The following ZBTB40 variants were observed in gnomAD, a reference collection of about 807,000 sequenced individuals.
ZBTB40 encodes the protein zinc finger and BTB domain containing 40.
A neutral mutation model predicts 117.5 loss-of-function variants in ZBTB40; 60 were observed. The observed-to-expected ratio is 0.51, with a 90% confidence interval of 0.41 to 0.63. The LOEUF is 0.63. Among genes scored for constraint, ZBTB40 ranks in the 30% least tolerant of loss-of-function variants. The pLI is 0.00. For synonymous variants in ZBTB40, 525 were observed against 577.1 expected (o/e 0.91, Z 1.29); for missense variants, 1,287 against 1,498.5 (o/e 0.86, Z 2.33).
At chr1:22,460,449 A>T (rs74060240) in intron 1 of ZBTB40, among the ~76,000 whole-genome samples, 2,203 of 152,316 alleles carry the variant, frequency 0.014, 65 homozygotes, top group African/African-American at 0.051. Context: ...TCATGTTGAT[A>T]ATAATAGTTA....
intron 3 of ZBTB40, among the ~76,000 whole-genome samples, chr1:22,494,492 G>A (rs1472410023): frequency 6.6e-6 from 1 of 152,186 alleles, no homozygotes; most frequent in Non-Finnish European, 1.5e-5. Flanking sequence ...TTCTTAGGCT[G>A]TGTTAGAACT....
chr1:22,494,829 A>G (rs1638730249), intron 3 of ZBTB40, among the ~76,000 whole-genome samples: 1 of 152,198 alleles, frequency 6.6e-6, no homozygotes, highest in African/African-American at 2.4e-5. Context: ...AAATCCTGCC[A>G]CGTGTGTGAT....
chr1:22,480,992 A>C (rs968932289), intron 1 of ZBTB40, among the ~76,000 whole-genome samples: 1 of 152,296 alleles, frequency 6.6e-6, no homozygotes, highest in East Asian at 1.9e-4. Context: ...TGCAGTCTCC[A>C]TGTGAGTATT....
intron 16 of ZBTB40, among the ~76,000 whole-genome samples, chr1:22,522,945 C>CTTTTTTTTTTTTTTT (rs34232963): frequency 5.3e-5 from 5 of 93,910 alleles, no homozygotes; most frequent in Non-Finnish European, 1.0e-4. Flanking sequence ...TAAGATGTAC[C>CTTTTTTTTTTTTTTT]TTTTTTTTTT....
intron 3 of ZBTB40, among the ~76,000 whole-genome samples, chr1:22,498,321 C>CTATCCTAA (rs1557507998): frequency 1.3e-5 from 2 of 152,184 alleles, no homozygotes; most frequent in Non-Finnish European, 2.9e-5. Context: ...GAATCCCTGC[C>CTATCCTAA]TATCCTAATA....
At chr1:22,489,660 C>T (rs1382886862) in intron 1 of ZBTB40, among the ~76,000 whole-genome samples, 2 of 152,040 alleles carry the variant, frequency 1.3e-5, no homozygotes, top group Non-Finnish European at 2.9e-5. Flanking sequence ...CAAATGAGAC[C>T]GTCCATACAA....
intron 1 of ZBTB40, among the ~76,000 whole-genome samples, chr1:22,444,141 G>A (rs983748633): frequency 1.3e-5 from 2 of 152,106 alleles, no homozygotes; most frequent in African/African-American, 2.4e-5. Flanking sequence ...CGCTGGGTGC[G>A]GTGGCTCATG....
At chr1:22,432,412 C>A (rs974305668) in intron 1 of ZBTB40, among the ~76,000 whole-genome samples, 9 of 152,224 alleles carry the variant, frequency 5.9e-5, no homozygotes, top group Non-Finnish European at 7.3e-5. Flanking sequence ...CCAACATCTG[C>A]TCCGTCTGTA....
chr1:22,458,370 C>A (rs929483556), intron 1 of ZBTB40, among the ~76,000 whole-genome samples: 2 of 152,206 alleles, frequency 1.3e-5, no homozygotes, highest in Non-Finnish European at 2.9e-5. Flanking sequence ...AGCCCCTCCT[C>A]CCACAATTCA....
intron 1 of ZBTB40, among the ~76,000 whole-genome samples, chr1:22,473,670 T>C (rs1216457548): frequency 2.6e-5 from 4 of 152,210 alleles, no homozygotes; most frequent in Non-Finnish European, 5.9e-5. Flanking sequence ...TGGATGTGTT[T>C]GGCTCACTGA....
chr1:22,466,113 A>G (rs1641249384), intron 1 of ZBTB40, among the ~76,000 whole-genome samples: 2 of 152,202 alleles, frequency 1.3e-5, no homozygotes, highest in South Asian at 4.1e-4. Flanking sequence ...TTTCATATGA[A>G]TGGAATCATA....
chr1:22,471,966 A>G (rs1275361712), intron 1 of ZBTB40, among the ~76,000 whole-genome samples: 1 of 152,168 alleles, frequency 6.6e-6, no homozygotes, highest in Non-Finnish European at 1.5e-5. Flanking sequence ...TGGCCAGAGG[A>G]TATGATTGGC....
In ZBTB40 at chr1:22,530,031, G is replaced by A. The variant is rs1236335707; in HGVS notation, c.*3635G>A. The stretch of plus-strand genomic sequence containing the variant: ...CAAGCTGAAGACAGGCTAATGGGGT[G>A]GCGGGTGTGTGTTTAAACCTCACGT... On this transcript the variant is annotated 3_prime_UTR_variant, in exon 18 of 18. Coordinates refer to ENST00000375647, the MANE Select transcript of ZBTB40 (RefSeq NM_014870.4). 6.6e-6 allele frequency: 1 copy of A among 151,772 alleles called. No homozygotes were observed. The highest frequency in any genetic ancestry group is 1.5e-5 in the Non-Finnish European group (1 of 68,006). The allele number at this position is 151,772 out of a possible 1,614,324, so 9.4% of individuals were successfully genotyped here.
At chr1:22,506,938 C>T (rs1363015736) in intron 6 of ZBTB40, among the ~76,000 whole-genome samples, 1 of 152,122 alleles carries the variant, frequency 6.6e-6, no homozygotes, top group Non-Finnish European at 1.5e-5. Context: ...TATTGAGATA[C>T]TTTCATATTG....
At chr1:22,500,926 A>G (rs981151885) in intron 3 of ZBTB40, among the ~76,000 whole-genome samples, 2 of 152,188 alleles carry the variant, frequency 1.3e-5, no homozygotes, top group African/African-American at 4.8e-5. Flanking sequence ...AAATTGTGAG[A>G]TTTTAATTGC....
At chr1:22,489,518 T>C (rs1399216347) in intron 1 of ZBTB40, among the ~76,000 whole-genome samples, 2 of 152,240 alleles carry the variant, frequency 1.3e-5, no homozygotes, top group African/African-American at 4.8e-5. Context: ...GGAATGGTAG[T>C]GTAGTTAGAG....
chr1:22,509,952 A>G (rs1054728321), intron 9 of ZBTB40, among the ~76,000 whole-genome samples: 14 of 152,226 alleles, frequency 9.2e-5, no homozygotes, highest in African/African-American at 2.4e-4. Flanking sequence ...AAGGAAAGTA[A>G]AACTGGTCTT....
At chr1:22,485,779 T>TA (rs1638449300) in intron 1 of ZBTB40, among the ~76,000 whole-genome samples, 1 of 152,202 alleles carries the variant, frequency 6.6e-6, no homozygotes, top group Non-Finnish European at 1.5e-5. Flanking sequence ...TTTGGATTGT[T>TA]ACGTCTTCAA....
chr1:22,465,323 G>T (rs574123628), intron 1 of ZBTB40, among the ~76,000 whole-genome samples: 1 of 152,326 alleles, frequency 6.6e-6, no homozygotes, highest in African/African-American at 2.4e-5. Context: ...TCAGCAGAGA[G>T]GGTAGCTCCT....
Sources: allele counts gnomAD v4.1 joint callset (sites outside exome capture counted in the v4.1 genomes callset), GRCh38; gene constraint gnomAD v4.1.1; transcripts MANE v1.5; gene names NCBI Gene and HGNC (gene_info 2026-07-23, HGNC 2026-07-21).